The following WDPCP variants were observed in gnomAD, a reference collection of about 807,000 sequenced individuals.
WDPCP encodes WD repeat-containing and planar cell polarity effector protein fritz homolog.
Under a neutral mutation model 93.1 loss-of-function variants are expected in WDPCP, and 71 were observed. The ratio of observed to expected loss-of-function variants is 0.76; its 90% CI spans 0.63 to 0.93. The LOEUF is 0.93. Ranked by LOEUF, WDPCP falls within the 40% of genes least tolerant of loss-of-function variation. The pLI is 0.00. For synonymous variants in WDPCP, 315 were observed against 315.0 expected (o/e 1.00, Z 0.00); for missense variants, 844 against 887.4 (o/e 0.95, Z 0.62).
Position 63,354,924 on chromosome 2 carries a change from T to A in WDPCP, c.1748+23462A>T, listed in dbSNP as rs1411343599. Among the ~76,000 whole-genome samples the A allele has an allele frequency of 2.0e-5, 3 of 152,112 alleles. No individual in the cohort carries two copies. The East Asian group carries it at 5.8e-4, about 29-fold the overall frequency. On this transcript the variant is annotated intron_variant, in intron 12 of 17. Coordinates refer to ENST00000272321, the MANE Select transcript of WDPCP (RefSeq NM_015910.7). ...AGAATAAAATGGAATGAACAAAAAC[T>A]TGGAGAAGTATGGGATTATGTAAAG...
intron 6 of WDPCP, among the ~76,000 whole-genome samples, chr2:63,468,762 C>T (rs1039858318): frequency 6.6e-6 from 1 of 152,190 alleles, no homozygotes; most frequent in Non-Finnish European, 1.5e-5. Flanking sequence ...TTCTTGCCAA[C>T]AGCTCCAGCA....
chr2:63,136,589 C>T (rs1237200781), intron 17 of WDPCP, among the ~76,000 whole-genome samples: 1 of 151,988 alleles, frequency 6.6e-6, no homozygotes, highest in Non-Finnish European at 1.5e-5. Context: ...AGGTTTGTAA[C>T]ATAGGTAAAC....
At chr2:63,326,724 G>C (rs1235901925) in intron 12 of WDPCP, among the ~76,000 whole-genome samples, 1 of 151,760 alleles carries the variant, frequency 6.6e-6, no homozygotes, top group East Asian at 1.9e-4. Context: ...GTCAGAGAGA[G>C]AGAGGAAGGA....
At chr2:63,373,928 C>A (rs1482356519) in intron 12 of WDPCP, among the ~76,000 whole-genome samples, 2 of 151,966 alleles carry the variant, frequency 1.3e-5, no homozygotes, top group Non-Finnish European at 1.5e-5. Flanking sequence ...ACTCTCTTCA[C>A]TCCTCTTCTG....
intron 12 of WDPCP, among the ~76,000 whole-genome samples, chr2:63,355,265 G>A (rs1575212338): frequency 6.6e-6 from 1 of 152,082 alleles, no homozygotes; most frequent in South Asian, 2.1e-4. Flanking sequence ...AACCTTACAG[G>A]CCAGAAGAGA....
intron 12 of WDPCP, among the ~76,000 whole-genome samples, chr2:63,326,816 GA>G (rs1687593858): frequency 6.6e-6 from 1 of 152,116 alleles, no homozygotes; most frequent in Non-Finnish European, 1.5e-5. Flanking sequence ...AAGAGAAAGA[GA>G]GATGGAAGTA....
intron 1 of WDPCP, among the ~76,000 whole-genome samples, chr2:63,574,357 C>T (rs536349494): frequency 6.8e-4 from 103 of 152,224 alleles, no homozygotes; most frequent in Non-Finnish European, 1.3e-3. Flanking sequence ...AGAAAAGAAC[C>T]TACGTGAAAT....
intron 12 of WDPCP, among the ~76,000 whole-genome samples, chr2:63,338,567 AAAATATATATATATATATATATAT>A (rs1316582339): frequency 0.046 from 505 of 10,986 alleles, 30 homozygotes; most frequent in African/African-American, 0.22. Flanking sequence ...AAAAAAAAAA[AAAATATATATATATATATATATAT>A]ATATATATAT....
At chr2:63,462,205 A>G (rs578068889) in intron 6 of WDPCP, among the ~76,000 whole-genome samples, 14 of 152,322 alleles carry the variant, frequency 9.2e-5, no homozygotes, top group Admixed American at 4.6e-4. Context: ...TTGTAGGGAC[A>G]TGGATGAAGC....
Position 63,753,680 on chromosome 2 carries a change from A to C in WDPCP, n.308+59942T>G, listed in dbSNP as rs115049872. Among the ~76,000 whole-genome samples, 653 of 152,258 alleles carry C rather than the reference A, an allele frequency of 4.3e-3. 3 individuals are homozygous for C. Among genetic ancestry groups the C allele is most frequent in the African/African-American group, 0.015 (613 of 41,538 alleles). ...AGCATATCTTGCAATATCTCACTCT[A>C]GCTATGATAACACCAAGGGGGATGG... is the stretch of plus-strand genomic sequence containing the variant. On this transcript the variant is annotated intron_variant and non_coding_transcript_variant, in intron 2 of 4. Coordinates refer to the WDPCP transcript ENST00000467687.
intron 13 of WDPCP, among the ~76,000 whole-genome samples, chr2:63,288,486 T>G (rs1014263919): frequency 6.6e-6 from 1 of 152,242 alleles, no homozygotes; most frequent in African/African-American, 2.4e-5. Flanking sequence ...TAGTAGAGTC[T>G]AGATCTGTGA....
chr2:63,492,529 G>A (rs937116313), intron 2 of WDPCP, among the ~76,000 whole-genome samples: 31 of 151,718 alleles, frequency 2.0e-4, no homozygotes, highest in African/African-American at 7.0e-4. Context: ...TTTAGAGGCA[G>A]GGTCTCGCTC....
chr2:63,760,112 C>T (rs1459921784), intron 2 of WDPCP, among the ~76,000 whole-genome samples: 1 of 152,184 alleles, frequency 6.6e-6, no homozygotes. Context: ...GCCCCAAGTA[C>T]GTGCTCCATT....
chr2:63,542,665 T>A (rs1000308901), intron 1 of WDPCP, among the ~76,000 whole-genome samples: 1 of 152,218 alleles, frequency 6.6e-6, no homozygotes, highest in Non-Finnish European at 1.5e-5. Flanking sequence ...ATTAATTACA[T>A]GTTTCATTCC....
intron 10 of WDPCP, 104 bp downstream of exon 10, chr2:63,403,944 A>G (rs1202254672): frequency 2.0e-6 from 3 of 1,487,952 alleles, no homozygotes; most frequent in Non-Finnish European, 2.8e-6. Context: ...TATTTATGGG[A>G]TGATAAATAG....
chr2:63,402,316 G>A (rs1030700638), intron 10 of WDPCP, among the ~76,000 whole-genome samples: 1 of 152,006 alleles, frequency 6.6e-6, no homozygotes, highest in East Asian at 1.9e-4. Context: ...GGGCCTGTTG[G>A]GGGTGGGGAG....
intron 2 of WDPCP, among the ~76,000 whole-genome samples, chr2:63,673,630 A>G (rs1326828584): frequency 6.6e-6 from 1 of 152,170 alleles, no homozygotes; most frequent in African/African-American, 2.4e-5. Context: ...TGAAAAGCAC[A>G]TCTCCATGCC....
chr2:63,379,002 G>A (rs987249043), intron 11 of WDPCP, among the ~76,000 whole-genome samples: 5 of 152,046 alleles, frequency 3.3e-5, no homozygotes, highest in African/African-American at 9.7e-5. Context: ...TAAGACAACC[G>A]TGAAAGTCCC....
intron 8 of WDPCP, 68 bp downstream of exon 8, chr2:63,437,353 C>T: frequency 8.0e-7 from 1 of 1,248,032 alleles, no homozygotes; most frequent in South Asian, 1.6e-5. Context: ...GAGCAGAATA[C>T]CAACTTATGT....
Sources: allele counts gnomAD v4.1 joint callset (sites outside exome capture counted in the v4.1 genomes callset), GRCh38; gene constraint gnomAD v4.1.1; transcripts MANE v1.5; gene names NCBI Gene and HGNC (gene_info 2026-07-23, HGNC 2026-07-21).